The following PSD3 variants were observed in gnomAD, a reference collection of about 807,000 sequenced individuals.
PSD3 encodes PH and SEC7 domain-containing protein 3.
A neutral mutation model predicts 105.5 loss-of-function variants in PSD3; 49 were observed. The ratio of observed to expected loss-of-function variants is 0.46; its 90% CI spans 0.37 to 0.59. The LOEUF is 0.59. PSD3 is among the 20% of genes least tolerant of loss of function. The probability of loss-of-function intolerance (pLI) is 0.00; values close to 1 mark genes in which losing one functional copy is unlikely to be tolerated. For missense variants in PSD3, 1,561 were observed against 1,263.8 expected (o/e 1.24, Z -3.57); for synonymous variants, 557 against 457.8 (o/e 1.22, Z -2.77).
intron 12 of PSD3, among the ~76,000 whole-genome samples, chr8:18,582,960 G>T (rs554869844): frequency 1.0e-3 from 157 of 151,794 alleles, no homozygotes; most frequent in African/African-American, 3.6e-3. Context: ...TGAGTAGCTA[G>T]GATTTTACAG....
chr8:18,723,596 G>A (rs978307221), intron 9 of PSD3, among the ~76,000 whole-genome samples: 2 of 152,114 alleles, frequency 1.3e-5, no homozygotes, highest in South Asian at 2.1e-4. Flanking sequence ...AAAAAACCCT[G>A]TTCCTTCTGT....
chr8:18,935,363 T>G (rs1294893489), intron 2 of PSD3, among the ~76,000 whole-genome samples: 1 of 151,980 alleles, frequency 6.6e-6, no homozygotes, highest in Admixed American at 6.6e-5. Flanking sequence ...TTCCTAATAA[T>G]ATATTTTGTT....
intron 15 of PSD3, among the ~76,000 whole-genome samples, chr8:18,537,536 C>G (rs1484707795): frequency 1.3e-5 from 2 of 152,168 alleles, no homozygotes; most frequent in Non-Finnish European, 2.9e-5. Context: ...CTTTCCCAGT[C>G]TCTCTTGTAG....
intron 13 of PSD3, among the ~76,000 whole-genome samples, chr8:18,573,564 A>C (rs946532728): frequency 2.7e-5 from 3 of 109,708 alleles, no homozygotes; most frequent in Non-Finnish European, 6.2e-5. Flanking sequence ...CAAATTGTCC[A>C]GTAAATGGAT....
chr8:19,077,575 A>G (rs2129478203), intron 1 of PSD3, among the ~76,000 whole-genome samples: 1 of 152,310 alleles, frequency 6.6e-6, no homozygotes, highest in South Asian at 2.1e-4. Flanking sequence ...GCCTAGAAAC[A>G]CTTGCAGAGA....
At chr8:18,541,157 G>GAA (rs5889803) in intron 15 of PSD3, among the ~76,000 whole-genome samples, 10 of 139,478 alleles carry the variant, frequency 7.2e-5, no homozygotes, top group Non-Finnish European at 6.1e-5. Flanking sequence ...TATTTTACTT[G>GAA]AAAAAAAAAA....
At chr8:18,581,582 T>G (rs1802821592) in intron 12 of PSD3, among the ~76,000 whole-genome samples, 1 of 152,280 alleles carries the variant, frequency 6.6e-6, no homozygotes, top group African/African-American at 2.4e-5. Flanking sequence ...CTCAGAGAGT[T>G]ATAGCAAGTA....
chr8:18,655,394 C>G (rs2130852264), intron 10 of PSD3, among the ~76,000 whole-genome samples: 1 of 151,132 alleles, frequency 6.6e-6, no homozygotes, highest in East Asian at 1.9e-4. Flanking sequence ...ATTTTAAAAG[C>G]AGAATAGGAA....
chr8:18,682,465 C>G (rs908776442), intron 9 of PSD3, among the ~76,000 whole-genome samples: 1 of 152,180 alleles, frequency 6.6e-6, no homozygotes, highest in Non-Finnish European at 1.5e-5. Flanking sequence ...TCTCATAACA[C>G]TTTCAGTAGA....
At chr8:19,014,703 T>C (rs1312317436), upstream of PSD3, among the ~76,000 whole-genome samples, 1 of 152,236 alleles carries the variant, frequency 6.6e-6, no homozygotes, top group African/African-American at 2.4e-5. This position sits in a 1 kb window ranked among gnomAD's most constrained non-coding sequence, Gnocchi z 4.9. Flanking sequence ...GAGAAGTGAC[T>C]GACTTGGCCA....
chr8:18,678,537 C>T (rs1247652943), intron 9 of PSD3, among the ~76,000 whole-genome samples: 5 of 152,242 alleles, frequency 3.3e-5, no homozygotes, highest in East Asian at 3.8e-4. Context: ...CCCAGCTGGG[C>T]GTGGTGGCTC....
intron 1 of PSD3, among the ~76,000 whole-genome samples, chr8:18,992,297 G>C (rs1295517913): frequency 8.2e-6 from 1 of 121,732 alleles, no homozygotes; most frequent in Non-Finnish European, 1.8e-5. Context: ...CTTTTAATTT[G>C]TTAGTGATAC....
intron 9 of PSD3, chr8:18,721,250 T>C (rs1802951217): frequency 6.6e-6 from 1 of 151,936 alleles, no homozygotes; most frequent in African/African-American, 2.4e-5. Flanking sequence ...TAAGGATTAT[T>C]TCATTAAAAA....
intron 9 of PSD3, among the ~76,000 whole-genome samples, chr8:18,705,554 A>T (rs1314999367): frequency 6.6e-6 from 1 of 151,180 alleles, no homozygotes; most frequent in Non-Finnish European, 1.5e-5. Flanking sequence ...AAAAAAAAAA[A>T]AAAAATTCGT....
intron 1 of PSD3, among the ~76,000 whole-genome samples, chr8:18,999,022 T>C (rs1826230732): frequency 6.6e-6 from 1 of 151,920 alleles, no homozygotes; most frequent in Non-Finnish European, 1.5e-5. Flanking sequence ...AGCAAAATAA[T>C]CTCAGCAAAC....
At chr8:18,816,534 A>G (rs948762268) in intron 4 of PSD3, among the ~76,000 whole-genome samples, 27 of 152,232 alleles carry the variant, frequency 1.8e-4, no homozygotes, top group African/African-American at 5.8e-4. Context: ...GGACATCTGT[A>G]TATGTGTTTA....
intron 15 of PSD3, among the ~76,000 whole-genome samples, chr8:18,548,284 T>G (rs1311671249): frequency 6.6e-6 from 1 of 152,192 alleles, no homozygotes; most frequent in Non-Finnish European, 1.5e-5. Context: ...TTAAAATAAT[T>G]ATTCTGAATT....
Position 18,953,715 on chromosome 8 carries a change from C to T in PSD3, c.22-17573G>A, listed in dbSNP as rs919829185. Among the ~76,000 whole-genome samples the T allele has an allele frequency of 1.4e-4, 22 of 151,886 alleles. No individual in the cohort carries two copies. In the East Asian group the frequency reaches 4.1e-3, roughly 28 times the overall value. On this transcript the variant is annotated intron_variant, in intron 1 of 15. Coordinates refer to ENST00000327040, the MANE Select transcript of PSD3 (RefSeq NM_015310.4). ...AGAGAGTTGAGATGGCACCACTGCA[C>T]TCCAGCCTGGGTGACAGCAAGACTC... is the stretch of plus-strand genomic sequence containing the variant.
intron 10 of PSD3, among the ~76,000 whole-genome samples, chr8:18,644,609 C>T (rs1016931594): frequency 2.0e-5 from 3 of 152,144 alleles, no homozygotes; most frequent in African/African-American, 7.2e-5. Context: ...CCCAGATGGT[C>T]CTTAAATTTC....
Sources: gnomAD v4.1 joint callset for allele counts (sites outside exome capture counted in the v4.1 genomes callset) on GRCh38, gnomAD v4.1.1 for gene constraint, Gnocchi (gnomAD v3.1) non-coding constraint, MANE v1.5 for transcripts, NCBI Gene and HGNC (gene_info 2026-07-23, HGNC 2026-07-21) for gene names.